DCBLD1: variants seen among roughly 807,000 people sequenced by gnomAD.
DCBLD1 encodes the protein discoidin, CUB and LCCL domain-containing protein 1.
In DCBLD1, 57 loss-of-function variants were observed where a neutral mutation model predicts 71.5. The ratio of observed to expected loss-of-function variants is 0.80; its 90% CI spans 0.64 to 0.99. DCBLD1 has a LOEUF of 0.99. Ranked by LOEUF, DCBLD1 falls within the 50% of genes least tolerant of loss-of-function variation. The pLI is 0.00. For missense variants in DCBLD1, 891 were observed against 923.5 expected (o/e 0.96, Z 0.46); for synonymous variants, 380 against 363.8 (o/e 1.04, Z -0.51).
chr6:117,548,073 G>T lies in DCBLD1; in HGVS notation c.1782G>T (p.Ala594=). 6.5e-7 allele frequency: 1 copy of T among 1,548,678 alleles called. No individual in the cohort carries two copies. The highest frequency in any genetic ancestry group is 2.4e-5 in the East Asian group (1 of 40,846). The change falls in exon 15 of 15, where the codon GCG becomes GCT. Residue 594 remains alanine (A), a synonymous_variant. Transcript: ENST00000338728. ...GCCACGAGTACGCGCTGCCCCTGGC[G>T]CCCCCGGAGCCCGAGTACGCCACGC... The part of the protein sequence containing the change: ...AGRHEYALPL[A]PPEPEYATPI...
At chr6:117,493,906 A>G (rs1443617289) in intron 1 of DCBLD1, among the ~76,000 whole-genome samples, 2 of 152,160 alleles carry the variant, frequency 1.3e-5, no homozygotes, top group Non-Finnish European at 2.9e-5. Context: ...CTTATAAGCT[A>G]CTGGGTATAC....
At chr6:117,485,401 A>G (rs1244648205) in intron 1 of DCBLD1, among the ~76,000 whole-genome samples, 1 of 152,206 alleles carries the variant, frequency 6.6e-6, no homozygotes, top group East Asian at 1.9e-4. Flanking sequence ...CCAACTCTTA[A>G]TTTGTTATTT....
At position 117,519,952 on chromosome 6, in the gene DCBLD1, T is replaced by C. The variant is rs765796783; in HGVS notation, c.460+2T>C. 3 of 1,613,584 alleles carry C rather than the reference T, an allele frequency of 1.9e-6. No individual in the cohort carries two copies. In the African/African-American group the frequency reaches 4.0e-5, roughly 22 times the overall value. On this transcript the variant is annotated splice_donor_variant, in intron 3 of 14. Transcript: ENST00000338728. LOFTEE classifies it high-confidence loss of function. ...CCTATGCGAGCAGCGACCATCCAGGTATAACGGAAGAATCAACACAAATCT... is the reference window on the plus strand; with the variant it reads ...CCTATGCGAGCAGCGACCATCCAGGCATAACGGAAGAATCAACACAAATCT...
chr6:117,558,346 ATTC>A (rs1779522845), intron 14 of DCBLD1, among the ~76,000 whole-genome samples: 1 of 152,188 alleles, frequency 6.6e-6, no homozygotes, highest in Non-Finnish European at 1.5e-5. Flanking sequence ...CAACTCTGCT[ATTC>A]TTGTAGATGT....
rs1779335811 is a variant in DCBLD1 at position 117,548,120 on chromosome 6, T to G, written c.1829T>G (p.Leu610Arg). 6 of 1,549,668 alleles carry G rather than the reference T, an allele frequency of 3.9e-6. No individual in the cohort carries two copies. Among genetic ancestry groups the G allele is most frequent in the Non-Finnish European group, 4.4e-6 (5 of 1,146,598 alleles). Residue 610 changes from leucine to arginine, a missense_variant, in exon 15 of 15, where the codon CTG becomes CGG. Coordinates refer to ENST00000338728, the MANE Select transcript of DCBLD1 (RefSeq NM_001366458.2). ...YATPIVERHV[L>R]RAHTFSAQSG... ...ACGCCCATCGTGGAGCGGCACGTGCTGCGCGCCCACACGTTCTCTGCGCAG... is the reference window on the plus strand; with the variant it reads ...ACGCCCATCGTGGAGCGGCACGTGCGGCGCGCCCACACGTTCTCTGCGCAG...
At chr6:117,569,784 A>C (rs1779770944) in exon 15 of DCBLD1, 2 of 1,495,016 alleles carry the variant, frequency 1.3e-6, no homozygotes, top group Non-Finnish European at 8.9e-7. Flanking sequence ...TGTAAGGTAC[A>C]GTTACCGATT....
At chr6:117,535,898 G>A (rs1018258152) in intron 6 of DCBLD1, among the ~76,000 whole-genome samples, 1 of 152,122 alleles carries the variant, frequency 6.6e-6, no homozygotes, top group African/African-American at 2.4e-5. Context: ...GTGAACTTAG[G>A]CAAGTCCCAG....
At chr6:117,565,531 A>T (rs1293094243) in intron 14 of DCBLD1, among the ~76,000 whole-genome samples, 1 of 152,182 alleles carries the variant, frequency 6.6e-6, no homozygotes, top group Admixed American at 6.5e-5. Context: ...GGTGATTTGA[A>T]AAATATTGGA....
Position 117,482,706 on chromosome 6 carries a change from G to T in DCBLD1, c.-76G>T. Reference sequence around the variant, plus strand: ...CGCCGCGCTCGTCCGCAGAGGAGGCGGCCCGGCCCGGGCAGCTGCGGCTCG... The same window carrying T: ...CGCCGCGCTCGTCCGCAGAGGAGGCTGCCCGGCCCGGGCAGCTGCGGCTCG... On this transcript the variant is annotated 5_prime_UTR_variant, in exon 1 of 15. Coordinates refer to ENST00000338728, the MANE Select transcript of DCBLD1 (RefSeq NM_001366458.2). The T allele has an allele frequency of 3.6e-6, 4 of 1,098,260 alleles. No homozygotes were observed. The highest frequency in any genetic ancestry group is 4.4e-6 in the Non-Finnish European group (4 of 903,328). 68.0% of individuals were successfully genotyped at this position (1,098,260 alleles called of 1,614,324 possible).
At chr6:117,534,729 AATAC>A (rs1387486160) in intron 6 of DCBLD1, among the ~76,000 whole-genome samples, 3 of 150,966 alleles carry the variant, frequency 2.0e-5, no homozygotes, top group Admixed American at 1.3e-4. Context: ...AACTGGACTT[AATAC>A]ATACATATAT....
At position 117,482,836 on chromosome 6, in the gene DCBLD1, C is replaced by G; in HGVS notation, c.55C>G (p.Leu19Val). Residue 19 changes from leucine to valine, a missense_variant, in exon 1 of 15, where the codon CTC becomes GTC. By Grantham distance (32) the Leu-to-Val change is conservative. Transcript: ENST00000338728. The part of the protein sequence containing the change: ...GALARAAGRG[L>V]LALLLAVSAP... ...ACTGGCGCGGGCTGCCGGGCGGGGCCTCCTGGCTTTGCTGCTCGCGGTCTC... is the reference window on the plus strand; with the variant it reads ...ACTGGCGCGGGCTGCCGGGCGGGGCGTCCTGGCTTTGCTGCTCGCGGTCTC... 8.5e-7 allele frequency: 1 copy of G among 1,175,736 alleles called. No individual in the cohort carries two copies. The highest frequency in any genetic ancestry group is 1.0e-6 in the Non-Finnish European group (1 of 952,944). The allele number at this position is 1,175,736 out of a possible 1,614,324, so 72.8% of individuals were successfully genotyped here.
intron 14 of DCBLD1, among the ~76,000 whole-genome samples, chr6:117,559,284 T>C (rs137978022): frequency 6.6e-6 from 1 of 151,894 alleles, no homozygotes; most frequent in Non-Finnish European, 1.5e-5. Flanking sequence ...GAAGCTGGAG[T>C]TGATTGGAGG....
rs139949957 is a variant in DCBLD1, at chr6:117,563,254, TTAA to T, written c.1616-6362_1616-6360del. 2,390 of 1,612,350 alleles carry T rather than the reference TTAA, an allele frequency of 1.5e-3. 22 individuals carry two copies. In the African/African-American group the frequency reaches 0.028, roughly 19 times the overall value. On this transcript the variant is annotated intron_variant, in intron 14 of 14. Transcript: ENST00000296955. ...AATCTTGTCTGGAGATATGGTCAATTTAATAAGATTTTTTATGATACAGAGTGT... is the reference window on the plus strand; with the variant it reads ...AATCTTGTCTGGAGATATGGTCAATTTAAGATTTTTTATGATACAGAGTGT...
rs573023233 is a variant in DCBLD1 at position 117,548,355 on chromosome 6, GC to G, written c.2065del (p.His689IlefsTer23). The G allele has an allele frequency of 2.5e-4, 385 of 1,550,636 alleles. 3 individuals carry two copies. In the East Asian group the frequency reaches 8.9e-3, roughly 36 times the overall value. ...GHPDSQKPPT[H>X]PGTSDSYSAP... ...ACCCTGACTCTCAGAAGCCCCCAAC[GC>G]ATCCCGGGACGAGTGACAGCTATTC... On this transcript the variant is annotated frameshift_variant, in exon 15 of 15. Transcript: ENST00000338728. LOFTEE classifies it low-confidence loss of function (END_TRUNC).
rs1778324516 is a variant in DCBLD1, at chr6:117,519,817, T to G, written c.327T>G (p.Gly109=). 1 of 1,612,126 alleles carries G rather than the reference T, an allele frequency of 6.2e-7. No individual in the cohort carries two copies. Among genetic ancestry groups the G allele is most frequent in the Non-Finnish European group, 8.5e-7 (1 of 1,178,282 alleles). The part of the protein sequence containing the change: ...LLFTSSSDQY[G]PYCGSMTVPK... ...GCCACAAGTGTGCTTTGTTTTTAGG[T>G]CCATACTGTGGAAGTATGACTGTTC... Residue 109 remains glycine (G), a splice_region_variant and synonymous_variant, in exon 3 of 15, where the codon GGT becomes GGG. Coordinates refer to ENST00000338728, the MANE Select transcript of DCBLD1 (RefSeq NM_001366458.2).
intron 5 of DCBLD1, among the ~76,000 whole-genome samples, chr6:117,528,363 A>G (rs1467792250): frequency 6.6e-6 from 1 of 152,244 alleles, no homozygotes; most frequent in Non-Finnish European, 1.5e-5. Context: ...ACATTTTGCT[A>G]TCATTCCACC....
chr6:117,535,368 C>A (rs1778850259), intron 6 of DCBLD1, among the ~76,000 whole-genome samples: 1 of 152,144 alleles, frequency 6.6e-6, no homozygotes, highest in South Asian at 2.1e-4. Context: ...GCTTCTGTAG[C>A]CCTCTGGGAA....
rs894679214 is a variant in DCBLD1, at chr6:117,548,199, G to T, written c.1908G>T (p.Ser636=). The T allele has an allele frequency of 1.9e-6, 3 of 1,550,414 alleles. No individual in the cohort carries two copies. The highest frequency in any genetic ancestry group is 1.2e-5 in the South Asian group (1 of 84,044). ...CCGGCCACAAACACTCCCTCTCCTC[G>T]GGCGGCTTCTCCCCCGTAGCGGGTG... The part of the protein sequence containing the change: ...PQPGHKHSLS[S]GGFSPVAGVG... Residue 636 remains serine, a synonymous_variant, in exon 15 of 15, where the codon TCG becomes TCT. Coordinates refer to ENST00000338728, the MANE Select transcript of DCBLD1 (RefSeq NM_001366458.2).
chr6:117,567,576 G>C (rs994626100), intron 14 of DCBLD1, among the ~76,000 whole-genome samples: 13 of 151,982 alleles, frequency 8.6e-5, no homozygotes, highest in African/African-American at 2.7e-4. Context: ...AATAGGTCTT[G>C]AGTAAGAACT....
Sources: gnomAD v4.1 joint callset for allele counts (sites outside exome capture counted in the v4.1 genomes callset) on GRCh38, gnomAD v4.1.1 for gene constraint, MANE v1.5 for transcripts, NCBI Gene and HGNC (gene_info 2026-07-23, HGNC 2026-07-21) for gene names.